PBX1: variants seen among roughly 807,000 people sequenced by gnomAD.
The protein encoded by PBX1 is PBX homeobox 1.
PBX1 carries 6 observed loss-of-function variants against 53.4 expected under a neutral mutation model. The observed-to-expected ratio is 0.11, with a 90% CI of 0.06 to 0.22. PBX1 has a LOEUF of 0.22. Ranked by LOEUF, PBX1 falls within the 10% of genes least tolerant of loss-of-function variation. The probability of loss-of-function intolerance (pLI) is 1.00; values close to 1 mark genes in which losing one functional copy is unlikely to be tolerated. For missense variants in PBX1, 251 were observed against 551.4 expected, an observed-to-expected ratio of 0.46 and a Z score of 5.46; for synonymous variants, 204 against 212.3, an observed-to-expected ratio of 0.96 and a Z score of 0.34.
chr1:164,780,619 C>T (rs976034990), intron 2 of PBX1, among the ~76,000 whole-genome samples: 3 of 152,104 alleles, frequency 2.0e-5, no homozygotes, highest in Admixed American at 6.6e-5. Flanking sequence ...AGGGAAGGCA[C>T]AGTGCTGAGA....
intron 2 of PBX1, among the ~76,000 whole-genome samples, chr1:164,764,914 T>A (rs1334919614): frequency 1.3e-5 from 2 of 152,222 alleles, no homozygotes; most frequent in East Asian, 3.9e-4. Flanking sequence ...TTCTTCTAAT[T>A]TAAGACTTTG....
chr1:164,740,745 A>G (rs1446743632), intron 2 of PBX1, among the ~76,000 whole-genome samples: 1 of 152,198 alleles, frequency 6.6e-6, no homozygotes, highest in African/African-American at 2.4e-5. Flanking sequence ...AGGAACTTGC[A>G]GTTGGTGTAG....
intron 2 of PBX1, chr1:164,787,865 T>A (rs760072511): frequency 2.0e-5 from 3 of 152,280 alleles, no homozygotes; most frequent in Non-Finnish European, 2.9e-5. Context: ...GGAAGGAAAC[T>A]CTTTCTGTAA....
intron 2 of PBX1, among the ~76,000 whole-genome samples, chr1:164,702,516 A>ACACTAT (rs1223647386): frequency 6.6e-6 from 1 of 152,166 alleles, no homozygotes; most frequent in Non-Finnish European, 1.5e-5. Context: ...GGTGGGCTTC[A>ACACTAT]GTGTGAGTGA....
intron 2 of PBX1, among the ~76,000 whole-genome samples, chr1:164,617,949 C>CA (rs1210761738): frequency 6.6e-6 from 1 of 152,096 alleles, no homozygotes; most frequent in Non-Finnish European, 1.5e-5. Context: ...CTGGCCATAA[C>CA]ACATACCCCA....
intron 2 of PBX1, among the ~76,000 whole-genome samples, chr1:164,872,431 A>G (rs1174851082): frequency 6.6e-6 from 1 of 152,238 alleles, no homozygotes; most frequent in Non-Finnish European, 1.5e-5. Flanking sequence ...AAATGTTTAT[A>G]GACACATGTC....
chr1:164,573,459 T>G (rs1654008680), intron 2 of PBX1, among the ~76,000 whole-genome samples: 1 of 151,848 alleles, frequency 6.6e-6, no homozygotes, highest in Non-Finnish European at 1.5e-5. Flanking sequence ...TGAAATCCAT[T>G]GTGTATTTTA....
intron 2 of PBX1, among the ~76,000 whole-genome samples, chr1:164,576,189 T>C (rs1194446455): frequency 6.6e-6 from 1 of 152,194 alleles, no homozygotes; most frequent in Non-Finnish European, 1.5e-5. Context: ...TAAGACGAGA[T>C]GCCCTTTTCA....
downstream of PBX1, among the ~76,000 whole-genome samples, chr1:164,854,989 C>T (rs10918080): frequency 0.34 from 48,346 of 142,332 alleles, 8,448 homozygotes; most frequent in African/African-American, 0.41. Context: ...TGCTGTTTCA[C>T]CAGGCTGGAG....
chr1:164,779,241 C>T (rs1667818390), intron 2 of PBX1, among the ~76,000 whole-genome samples: 1 of 151,844 alleles, frequency 6.6e-6, no homozygotes, highest in African/African-American at 2.4e-5. Context: ...AGCAATTTCA[C>T]TTTGTATATT....
chr1:164,639,777 C>G (rs536899511), intron 2 of PBX1: 58 of 152,400 alleles, frequency 3.8e-4, no homozygotes, highest in Middle Eastern at 3.4e-3. Context: ...ATCCTCCCAC[C>G]TCAGCCTCCC....
At chr1:164,571,005 T>C (rs1653811565) in intron 2 of PBX1, among the ~76,000 whole-genome samples, 1 of 152,226 alleles carries the variant, frequency 6.6e-6, no homozygotes, top group South Asian at 2.1e-4. Context: ...CATAAATGTC[T>C]TCTTTTGAGA....
At chr1:164,834,889 T>C (rs1670956807) in intron 8 of PBX1, among the ~76,000 whole-genome samples, 2 of 152,222 alleles carry the variant, frequency 1.3e-5, no homozygotes, top group Admixed American at 1.3e-4. Flanking sequence ...TGGACTCTTC[T>C]TCAGACACTT....
intron 8 of PBX1, among the ~76,000 whole-genome samples, chr1:164,827,405 A>T (rs1401037714): frequency 6.6e-6 from 1 of 152,216 alleles, no homozygotes; most frequent in African/African-American, 2.4e-5. Context: ...TGGTGCTATG[A>T]CCAGGAACTA....
At chr1:164,763,140 T>C (rs1666893031) in intron 2 of PBX1, among the ~76,000 whole-genome samples, 1 of 152,218 alleles carries the variant, frequency 6.6e-6, no homozygotes, top group Non-Finnish European at 1.5e-5. Flanking sequence ...GGTTCAAATG[T>C]GAGTAGCTGA....
intron 2 of PBX1, among the ~76,000 whole-genome samples, chr1:164,858,977 T>A (rs184981539): frequency 6.6e-6 from 1 of 152,298 alleles, no homozygotes; most frequent in Non-Finnish European, 1.5e-5. Flanking sequence ...TATAAAATAC[T>A]TGAATGTGTA....
At chr1:164,571,735 G>A (rs1653867759) in intron 2 of PBX1, among the ~76,000 whole-genome samples, 1 of 151,536 alleles carries the variant, frequency 6.6e-6, no homozygotes, top group East Asian at 1.9e-4. Context: ...TGGATAAGGA[G>A]TGGAGTTGCT....
At chr1:164,859,942 G>A (rs1196001053) in intron 2 of PBX1, among the ~76,000 whole-genome samples, 1 of 152,202 alleles carries the variant, frequency 6.6e-6, no homozygotes, top group Non-Finnish European at 1.5e-5. Flanking sequence ...GGAAGAAATA[G>A]AATTAGACTG....
At chr1:164,720,703 T>C (rs887949034) in intron 2 of PBX1, among the ~76,000 whole-genome samples, 2 of 152,284 alleles carry the variant, frequency 1.3e-5, no homozygotes, top group Middle Eastern at 3.4e-3. Flanking sequence ...TGAAGAAATA[T>C]TATCATTAGA....
Sources: gnomAD v4.1 joint callset for allele counts (sites outside exome capture counted in the v4.1 genomes callset) on GRCh38, gnomAD v4.1.1 for gene constraint, MANE v1.5 for transcripts, NCBI Gene and HGNC (gene_info 2026-07-23, HGNC 2026-07-21) for gene names.